The following MLIP variants were observed in gnomAD, a reference collection of about 807,000 sequenced individuals.
The protein encoded by MLIP is muscular LMNA interacting protein.
Under a neutral mutation model 84.8 loss-of-function variants are expected in MLIP, and 79 were observed. The ratio of observed to expected loss-of-function variants is 0.93; its 90% CI spans 0.78 to 1.12. MLIP has a LOEUF of 1.12. MLIP is among the 50% of genes most tolerant of loss of function. The probability of loss-of-function intolerance (pLI) is 0.00; values close to 1 mark genes in which losing one functional copy is unlikely to be tolerated. For missense variants in MLIP, 1,257 were observed against 1,160.6 expected, an observed-to-expected ratio of 1.08 and a Z score of -1.21; for synonymous variants, 504 against 463.0, an observed-to-expected ratio of 1.09 and a Z score of -1.14.
At chr6:54,082,575 G>T (rs1767231538) in intron 1 of MLIP, among the ~76,000 whole-genome samples, 2 of 152,010 alleles carry the variant, frequency 1.3e-5, no homozygotes. Flanking sequence ...CACCTTTTTT[G>T]GAATATTGAC....
chr6:54,171,715 T>C (rs1176626083), intron 9 of MLIP, among the ~76,000 whole-genome samples: 1 of 151,582 alleles, frequency 6.6e-6, no homozygotes, highest in African/African-American at 2.4e-5. Flanking sequence ...AAAAGAATGA[T>C]ACTGTAATAT....
At chr6:54,133,812 T>C (rs1173688713) in intron 3 of MLIP, among the ~76,000 whole-genome samples, 1 of 152,108 alleles carries the variant, frequency 6.6e-6, no homozygotes, top group Non-Finnish European at 1.5e-5. Flanking sequence ...ATTGTGAATG[T>C]TTTCCAGAGT....
intron 12 of MLIP, among the ~76,000 whole-genome samples, chr6:54,254,783 TC>T (rs1554195184): frequency 1.9e-4 from 23 of 121,608 alleles, no homozygotes; most frequent in Admixed American, 3.5e-4. Context: ...CTCCCTCCCT[TC>T]CCCCCCCACT....
intron 1 of MLIP, among the ~76,000 whole-genome samples, chr6:54,104,628 G>A (rs969846835): frequency 2.6e-5 from 4 of 152,108 alleles, no homozygotes; most frequent in Non-Finnish European, 5.9e-5. Flanking sequence ...CTCAGAGAAC[G>A]TCTCCTGATC....
At chr6:54,208,913 A>G (rs1001596222) in intron 11 of MLIP, among the ~76,000 whole-genome samples, 3 of 152,226 alleles carry the variant, frequency 2.0e-5, no homozygotes, top group Admixed American at 6.5e-5. Context: ...GATAGCTGTT[A>G]ATAAGTATGC....
At chr6:54,177,331 C>T (rs1776389419) in intron 9 of MLIP, among the ~76,000 whole-genome samples, 1 of 152,040 alleles carries the variant, frequency 6.6e-6, no homozygotes, top group South Asian at 2.1e-4. Flanking sequence ...CTACAAGGAA[C>T]TTAAACAAAT....
chr6:54,084,610 T>C (rs1457327521), intron 1 of MLIP, among the ~76,000 whole-genome samples: 1 of 152,196 alleles, frequency 6.6e-6, no homozygotes, highest in East Asian at 1.9e-4. Flanking sequence ...CCTTTTTAAT[T>C]TGGGTTAACA....
At chr6:54,248,542 A>G (rs369475172) in intron 12 of MLIP, among the ~76,000 whole-genome samples, 18 of 152,282 alleles carry the variant, frequency 1.2e-4, no homozygotes, top group South Asian at 4.1e-4. Context: ...ATGTAAGTCA[A>G]CAATAGGATG....
chr6:54,041,500 CTG>C (rs1764739919), intron 1 of MLIP, among the ~76,000 whole-genome samples: 1 of 152,178 alleles, frequency 6.6e-6, no homozygotes, highest in South Asian at 2.1e-4. Flanking sequence ...AACTGCCAAA[CTG>C]TTTTTCCAGG....
chr6:54,222,593 G>A (rs534587828), intron 11 of MLIP, among the ~76,000 whole-genome samples: 1 of 152,032 alleles, frequency 6.6e-6, no homozygotes, highest in African/African-American at 2.4e-5. Context: ...ATGTATTTAT[G>A]TATTATACCA....
chr6:54,178,105 A>G (rs843828), intron 9 of MLIP, among the ~76,000 whole-genome samples: 40,059 of 152,014 alleles, frequency 0.26, 5,418 homozygotes, highest in Admixed American at 0.33. Flanking sequence ...TGTGGGGCTT[A>G]ATGCCTAAGT....
intron 1 of MLIP, among the ~76,000 whole-genome samples, chr6:54,050,197 C>G (rs1421030795): frequency 6.6e-6 from 1 of 152,044 alleles, no homozygotes; most frequent in Non-Finnish European, 1.5e-5. Flanking sequence ...AGTATATACA[C>G]ATACATATTA....
intron 11 of MLIP, among the ~76,000 whole-genome samples, chr6:54,209,901 C>CTTT (rs35868308): frequency 2.2e-4 from 31 of 143,004 alleles, no homozygotes; most frequent in African/African-American, 7.8e-4. Context: ...TTTTTTCTTT[C>CTTT]TTTTTTTTTT....
intron 1 of MLIP, among the ~76,000 whole-genome samples, chr6:54,113,771 TCAAA>T (rs1455170492): frequency 1.3e-5 from 2 of 152,110 alleles, no homozygotes; most frequent in East Asian, 1.9e-4. Flanking sequence ...ATCCATTCTC[TCAAA>T]CAGTCATCAT....
chr6:54,149,224 T>C, intron 5 of MLIP, 97 bp downstream of exon 5: 1 of 1,099,642 alleles, frequency 9.1e-7, no homozygotes, highest in East Asian at 2.5e-5. Context: ...GTTTTAAAGT[T>C]CTGCCTTTAC....
intron 1 of MLIP, among the ~76,000 whole-genome samples, chr6:54,059,311 G>C (rs1765833333): frequency 6.6e-6 from 1 of 152,136 alleles, no homozygotes; most frequent in Admixed American, 6.6e-5. Flanking sequence ...TCAAAATGTT[G>C]CTTTGATTTG....
chr6:54,235,659 A>G (rs983454217), intron 12 of MLIP, among the ~76,000 whole-genome samples: 3 of 152,188 alleles, frequency 2.0e-5, no homozygotes. Flanking sequence ...TTGAATTATT[A>G]TGATTATTTC....
At chr6:54,093,521 C>T (rs2150375805) in intron 1 of MLIP, among the ~76,000 whole-genome samples, 1 of 152,228 alleles carries the variant, frequency 6.6e-6, no homozygotes, top group East Asian at 1.9e-4. Context: ...AGTCTGGCAA[C>T]ACAAGTGTTG....
At chr6:54,261,795 A>G (rs1783411514) in intron 13 of MLIP, 2 of 917,284 alleles carry the variant, frequency 2.2e-6, no homozygotes, top group Non-Finnish European at 2.6e-6. Flanking sequence ...TAAAATTATC[A>G]AGAGAAAAAG....
Sources: allele counts gnomAD v4.1 joint callset (sites outside exome capture counted in the v4.1 genomes callset), GRCh38; gene constraint gnomAD v4.1.1; transcripts MANE v1.5; gene names NCBI Gene and HGNC (gene_info 2026-07-23, HGNC 2026-07-21).